PARD3B: variants seen among roughly 807,000 people sequenced by gnomAD.
The protein encoded by PARD3B is par-3 family cell polarity regulator beta.
A neutral mutation model predicts 130.2 loss-of-function variants in PARD3B; 103 were observed. The ratio of observed to expected loss-of-function variants is 0.79; its 90% CI spans 0.67 to 0.93. The LOEUF (loss-of-function observed/expected upper bound fraction) is 0.93, where lower values mean the gene tolerates loss of function less well. PARD3B is among the 40% of genes least tolerant of loss of function. The pLI, the probability that PARD3B is intolerant of heterozygous loss-of-function variation, is 0.00. For synonymous variants in PARD3B, 583 were observed against 553.2 expected (o/e 1.05, Z -0.76); for missense variants, 1,609 against 1,499.2 (o/e 1.07, Z -1.21).
In PARD3B at chr2:205,473,733, T is replaced by G. The variant is rs959448027; in HGVS notation, c.3045-26163T>G. The stretch of plus-strand genomic sequence containing the variant: ...ATACACACACACGTATATAAAACCC[T>G]AAATATATATATATATATATATAAC... On this transcript the variant is annotated intron_variant, in intron 20 of 22. Coordinates refer to ENST00000406610, the MANE Select transcript of PARD3B (RefSeq NM_001302769.2). The surrounding 1 kb of genome is among the most constrained non-coding windows in gnomAD (Gnocchi z 4.9). Among the ~76,000 whole-genome samples, 7 of 128,912 alleles carry G rather than the reference T, an allele frequency of 5.4e-5. No homozygotes were observed. Among genetic ancestry groups the G allele is most frequent in the African/African-American group, 1.8e-4 (5 of 27,382 alleles). 84.6% of individuals were successfully genotyped at this position (128,912 alleles called of 152,430 possible).
At chr2:204,954,835 G>A (rs1690097353) in intron 2 of PARD3B, among the ~76,000 whole-genome samples, 1 of 152,200 alleles carries the variant, frequency 6.6e-6, no homozygotes, top group South Asian at 2.1e-4. Context: ...AATTTTTAAT[G>A]ATATAGTAAG....
intron 22 of PARD3B, among the ~76,000 whole-genome samples, chr2:205,600,750 C>T (rs778351711): frequency 4.6e-5 from 7 of 152,146 alleles, no homozygotes; most frequent in African/African-American, 7.2e-5. Flanking sequence ...TGAGAATATA[C>T]GGTGTTTGGT....
chr2:204,750,595 CACATACATACATACAT>C (rs138390138), intron 2 of PARD3B, among the ~76,000 whole-genome samples: 14 of 149,668 alleles, frequency 9.4e-5, no homozygotes, highest in South Asian at 2.2e-4. Context: ...CAAAAATACA[CACATACATACATACAT>C]ACATACATAC....
At position 205,301,456 on chromosome 2, in the gene PARD3B, CT is replaced by C; in HGVS notation, c.2393-7del. ...ACCATGGGTATTGATTATTTTTTCT[CT>C]GTACAGACGGTCTGTCTGATAAGAG... On this transcript the variant is annotated splice_region_variant and splice_polypyrimidine_tract_variant and intron_variant, in intron 17 of 22. Coordinates refer to ENST00000406610, the MANE Select transcript of PARD3B (RefSeq NM_001302769.2). The surrounding 1 kb of genome is among the most constrained non-coding windows in gnomAD (Gnocchi z 5.2). 1 of 1,596,506 alleles carries C rather than the reference CT, an allele frequency of 6.3e-7. No homozygotes were observed. Among genetic ancestry groups the C allele is most frequent in the Middle Eastern group, 1.7e-4 (1 of 5,942 alleles).
Position 205,475,065 on chromosome 2 carries a change from A to G in PARD3B, c.3045-24831A>G, listed in dbSNP as rs143687727. On this transcript the variant is annotated intron_variant, in intron 20 of 22. Transcript: ENST00000406610. Reference sequence around the variant, plus strand: ...AAGACGTATTTGGATGCAGGCTTTTATCTCCCTCTTGACAAAAATGAATGA... The same window carrying G: ...AAGACGTATTTGGATGCAGGCTTTTGTCTCCCTCTTGACAAAAATGAATGA... Among the ~76,000 whole-genome samples the G allele has an allele frequency of 3.6e-3, 552 of 152,188 alleles. 3 individuals are homozygous for G. The highest frequency in any genetic ancestry group is 0.012 in the African/African-American group (503 of 41,546).
intron 18 of PARD3B, among the ~76,000 whole-genome samples, chr2:205,371,802 T>C (rs999099931): frequency 6.6e-5 from 10 of 152,190 alleles, no homozygotes; most frequent in Admixed American, 5.2e-4. Context: ...GTACAATCAT[T>C]ATAATCAACT....
chr2:204,872,440 T>C (rs947503435), intron 2 of PARD3B, among the ~76,000 whole-genome samples: 2 of 152,162 alleles, frequency 1.3e-5, no homozygotes, highest in African/African-American at 2.4e-5. Context: ...CGTCACTGTA[T>C]CTTATCCATG....
chr2:205,416,147 A>G (rs190204792), intron 19 of PARD3B, among the ~76,000 whole-genome samples: 28 of 152,216 alleles, frequency 1.8e-4, no homozygotes, highest in Non-Finnish European at 3.4e-4. Context: ...TGCTTCTGGT[A>G]TGAAGAAGAC....
chr2:204,791,890 A>G (rs1355581863), intron 2 of PARD3B, among the ~76,000 whole-genome samples: 2 of 152,214 alleles, frequency 1.3e-5, no homozygotes, highest in Non-Finnish European at 2.9e-5. Flanking sequence ...ATTAATCCAC[A>G]TCGCTTATGC....
chr2:205,277,796 C>G (rs1028503632), intron 16 of PARD3B, among the ~76,000 whole-genome samples: 11 of 152,136 alleles, frequency 7.2e-5, no homozygotes, highest in Non-Finnish European at 1.3e-4. Context: ...TAAATCATCC[C>G]GAGGAGTTTG....
At chr2:205,051,592 T>C (rs78313861) in intron 4 of PARD3B, among the ~76,000 whole-genome samples, 2,582 of 152,324 alleles carry the variant, frequency 0.017, 39 homozygotes, top group African/African-American at 0.04. Context: ...TGCACTTCAT[T>C]AGGCTTACTG....
At chr2:204,762,654 A>C (rs1380657370) in intron 2 of PARD3B, among the ~76,000 whole-genome samples, 1 of 151,718 alleles carries the variant, frequency 6.6e-6, no homozygotes, top group East Asian at 1.9e-4. Flanking sequence ...TCAGGCAATG[A>C]CTTTTTCCCA....
intron 1 of PARD3B, among the ~76,000 whole-genome samples, chr2:204,627,495 C>G (rs1199339857): frequency 6.6e-6 from 1 of 152,134 alleles, no homozygotes; most frequent in East Asian, 1.9e-4. Context: ...TAGCATCACT[C>G]TAGAAAATTC....
intron 10 of PARD3B, among the ~76,000 whole-genome samples, chr2:205,140,857 GA>G (rs536180872): frequency 2.0e-5 from 3 of 151,944 alleles, no homozygotes; most frequent in Non-Finnish European, 4.4e-5. Context: ...CAATTTAGCA[GA>G]AAAAAATGAA....
chr2:205,008,615 C>G (rs1482134686), intron 3 of PARD3B, among the ~76,000 whole-genome samples: 1 of 152,038 alleles, frequency 6.6e-6, no homozygotes, highest in Non-Finnish European at 1.5e-5. Context: ...TTATGTATCT[C>G]TAGACTAAAT....
At chr2:204,838,870 A>T (rs914763435) in intron 2 of PARD3B, among the ~76,000 whole-genome samples, 2 of 152,140 alleles carry the variant, frequency 1.3e-5, no homozygotes, top group African/African-American at 4.8e-5. Context: ...ATAAAAATTT[A>T]AAAAAACAAC....
intron 2 of PARD3B, among the ~76,000 whole-genome samples, chr2:204,766,808 A>C (rs1574931951): frequency 4.5e-5 from 1 of 22,344 alleles, no homozygotes; most frequent in Admixed American, 7.6e-4. Context: ...TTTGTAAATC[A>C]AAAAAAAAAA....
At chr2:205,036,586 A>G (rs1697921710) in intron 3 of PARD3B, among the ~76,000 whole-genome samples, 1 of 149,700 alleles carries the variant, frequency 6.7e-6, no homozygotes. Flanking sequence ...AAATATATAT[A>G]CACAGCGGAC....
At chr2:204,950,009 T>C (rs1689635874) in intron 2 of PARD3B, among the ~76,000 whole-genome samples, 2 of 152,174 alleles carry the variant, frequency 1.3e-5, no homozygotes, top group Admixed American at 1.3e-4. Flanking sequence ...TCAATAATGA[T>C]AGTGATGATT....
Sources: allele counts gnomAD v4.1 joint callset (sites outside exome capture counted in the v4.1 genomes callset), GRCh38; gene constraint gnomAD v4.1.1; non-coding constraint Gnocchi (gnomAD v3.1); transcripts MANE v1.5; gene names NCBI Gene and HGNC (gene_info 2026-07-23, HGNC 2026-07-21).